The following STMND1 variants were observed in gnomAD, a reference collection of about 807,000 sequenced individuals.
The protein encoded by STMND1 is stathmin domain-containing protein 1.
Under a neutral mutation model 23.0 loss-of-function variants are expected in STMND1, and 17 were observed. The ratio of observed to expected loss-of-function variants is 0.74; its 90% confidence interval spans 0.51 to 1.11. The LOEUF (loss-of-function observed/expected upper bound fraction) is 1.11. Ranked by LOEUF, STMND1 falls within the 50% of genes least tolerant of loss-of-function variation. The pLI, the probability that STMND1 is intolerant of heterozygous loss-of-function variation, is 0.00. For synonymous variants in STMND1, 114 were observed against 119.9 expected (o/e 0.95, Z 0.32); for missense variants, 305 against 329.1 (o/e 0.93, Z 0.57).
At chr6:17,115,598 A>G (rs1253351097) in intron 2 of STMND1, among the ~76,000 whole-genome samples, 4 of 152,224 alleles carry the variant, frequency 2.6e-5, no homozygotes, top group African/African-American at 9.6e-5. Context: ...AGAATCTTTC[A>G]GAAATGTGAA....
At chr6:17,122,814 G>A (rs1344180639) in intron 3 of STMND1, among the ~76,000 whole-genome samples, 2 of 152,108 alleles carry the variant, frequency 1.3e-5, no homozygotes, top group Non-Finnish European at 2.9e-5. Context: ...TTTGCACAAC[G>A]CTAGCATGAT....
chr6:17,115,787 CA>C (rs1362583684), intron 2 of STMND1, among the ~76,000 whole-genome samples: 1 of 152,116 alleles, frequency 6.6e-6, no homozygotes, highest in Non-Finnish European at 1.5e-5. Context: ...CTTTTTATTT[CA>C]GGGGGGAAGA....
chr6:17,131,076 A>G lies in STMND1; in HGVS notation c.*195A>G, dbSNP rs1761386738. Reference sequence around the variant, plus strand: ...TAGCTATGCTAGCTTTTAAAAAAAGAGCGAGGGGGAGACTTGACCAGCATA... The same window carrying G: ...TAGCTATGCTAGCTTTTAAAAAAAGGGCGAGGGGGAGACTTGACCAGCATA... On this transcript the variant is annotated 3_prime_UTR_variant, in exon 5 of 5. Transcript: ENST00000536551. 3.9e-6 allele frequency: 2 copies of G among 507,178 alleles called. No homozygotes were observed. The allele number at this position is 507,178 out of a possible 1,614,324, so 31.4% of individuals were successfully genotyped here. A position where few individuals can be genotyped will look rare whatever the true frequency, so the allele number is the denominator to read the frequency against.
chr6:17,111,362 C>T (rs895078956), intron 1 of STMND1, among the ~76,000 whole-genome samples: 11 of 152,168 alleles, frequency 7.2e-5, no homozygotes, highest in African/African-American at 2.2e-4. Context: ...AGCATATCCA[C>T]ATCCAGGAAT....
rs1308260700 is a variant in STMND1 at position 17,102,067 on chromosome 6, A to G, written c.-191A>G. ...TGGCAACCATTCCTGGCGACTGCCC[A>G]GAAACTCAGTGCGTCCTGCCCGGGG... On this transcript the variant is annotated 5_prime_UTR_variant, in exon 1 of 5. Transcript: ENST00000536551. Among the ~76,000 whole-genome samples the G allele has an allele frequency of 6.6e-6, 1 of 152,216 alleles. No homozygotes were observed. Among genetic ancestry groups the G allele is most frequent in the Non-Finnish European group, 1.5e-5 (1 of 68,034 alleles).
chr6:17,104,343 T>A (rs1168883761), intron 1 of STMND1, among the ~76,000 whole-genome samples: 1 of 152,246 alleles, frequency 6.6e-6, no homozygotes, highest in Non-Finnish European at 1.5e-5. Context: ...TTTATTTTGC[T>A]GGCCTGATTA....
At chr6:17,110,670 A>G in intron 1 of STMND1, 1 of 374,862 alleles carries the variant, frequency 2.7e-6, no homozygotes, top group Non-Finnish European at 5.3e-6. Context: ...CAGAAGGCTG[A>G]GGCAGGAGAA....
At chr6:17,117,918 A>T (rs1761182101) in intron 2 of STMND1, among the ~76,000 whole-genome samples, 2 of 150,936 alleles carry the variant, frequency 1.3e-5, no homozygotes, top group South Asian at 2.1e-4. Context: ...ACCTCAGGTG[A>T]TCCACCTGCC....
chr6:17,117,902 C>A (rs1392791336), intron 2 of STMND1, among the ~76,000 whole-genome samples: 1 of 151,372 alleles, frequency 6.6e-6, no homozygotes, highest in Admixed American at 6.6e-5. Flanking sequence ...TGGTCTTGAA[C>A]TCCTGACCTC....
intron 2 of STMND1, among the ~76,000 whole-genome samples, chr6:17,119,625 G>A (rs1329213022): frequency 6.6e-6 from 1 of 152,006 alleles, no homozygotes; most frequent in Non-Finnish European, 1.5e-5. Context: ...ACTTGAACCT[G>A]GGAGGAGGAG....
chr6:17,112,249 CATA>C (rs971118895), intron 1 of STMND1, among the ~76,000 whole-genome samples: 2 of 152,078 alleles, frequency 1.3e-5, no homozygotes, highest in South Asian at 2.1e-4. Flanking sequence ...TTTCACTTAG[CATA>C]ATATTTCCAA....
intron 3 of STMND1, 87 bp from the exon 4 acceptor site, chr6:17,129,025 T>C (rs1761347859): frequency 7.3e-7 from 1 of 1,375,556 alleles, no homozygotes; most frequent in Non-Finnish European, 9.7e-7. Context: ...GAATTTACAT[T>C]TTAAACTGTT....
intron 3 of STMND1, among the ~76,000 whole-genome samples, chr6:17,126,034 T>TTATACATATATATATATA (rs1761290271): frequency 2.4e-5 from 1 of 41,984 alleles, no homozygotes; most frequent in Admixed American, 3.9e-4. Flanking sequence ...GATCATTGTT[T>TTATACATATATATATATA]TATATATATA....
At chr6:17,129,063 T>C in intron 3 of STMND1, 49 bp from the exon 4 acceptor site, 4 of 1,517,670 alleles carry the variant, frequency 2.6e-6, no homozygotes, top group Non-Finnish European at 2.6e-6. Context: ...CCTTCTCTTC[T>C]GCCAGTGAAT....
chr6:17,104,976 T>A (rs777590525), intron 1 of STMND1, among the ~76,000 whole-genome samples: 14 of 151,576 alleles, frequency 9.2e-5, no homozygotes, highest in African/African-American at 1.9e-4. Context: ...ATATTCTTTT[T>A]AAAAAAAAAC....
chr6:17,110,966 T>C, intron 1 of STMND1: 1 of 444,884 alleles, frequency 2.2e-6, no homozygotes, highest in Non-Finnish European at 4.5e-6. Context: ...GGCCAGCACC[T>C]GGAGAGAGAA....
chr6:17,130,491 A>G (rs1761375557), intron 4 of STMND1, 103 bp from the exon 5 acceptor site: 1 of 899,632 alleles, frequency 1.1e-6, no homozygotes, highest in Non-Finnish European at 1.6e-6. Context: ...ATTTGACTGA[A>G]TGATGACATA....
chr6:17,126,070 A>ATATATTTT (rs1561925814), intron 3 of STMND1, among the ~76,000 whole-genome samples: 1 of 20,532 alleles, frequency 4.9e-5, no homozygotes, highest in Non-Finnish European at 7.3e-5. Context: ...ATATATATAT[A>ATATATTTT]TTTTTTTTTT....
In STMND1 at chr6:17,115,128, G is replaced by A. The variant is rs551927127; in HGVS notation, c.248G>A (p.Arg83Gln). ...CCATCTCCTAGTGAAAGAAACAGAC[G>A]AGTAAATTCAGGTAACCTCCCTCTG... The part of the protein sequence containing the change: ...NSPSPSERNR[R>Q]VNSDLVTNGL... Residue 83 changes from arginine (R) to glutamine (Q), a missense_variant, in exon 2 of 5, where the codon CGA (arginine) becomes CAA (glutamine). Transcript: ENST00000536551. The A allele has an allele frequency of 2.8e-5, 43 of 1,534,358 alleles. No homozygotes were observed. The highest frequency in any genetic ancestry group is 2.6e-4 in the African/African-American group (19 of 73,024).
Sources: allele counts gnomAD v4.1 joint callset (sites outside exome capture counted in the v4.1 genomes callset), GRCh38; gene constraint gnomAD v4.1.1; transcripts MANE v1.5; gene names NCBI Gene and HGNC (gene_info 2026-07-23, HGNC 2026-07-21).